The following WRAP73 variants were observed in gnomAD, a reference collection of about 807,000 sequenced individuals.
The protein encoded by WRAP73 is WD repeat-containing protein WRAP73.
In WRAP73, 55 loss-of-function variants were observed where a neutral mutation model predicts 59.6. The ratio of observed to expected loss-of-function variants is 0.92; its 90% CI spans 0.74 to 1.15. WRAP73 has a LOEUF of 1.15. WRAP73 is among the 50% of genes most tolerant of loss of function. The probability of loss-of-function intolerance (pLI) is 0.00; values close to 1 mark genes in which losing one functional copy is unlikely to be tolerated. For missense variants in WRAP73, 592 were observed against 608.1 expected (o/e 0.97, Z 0.28); for synonymous variants, 265 against 258.2 (o/e 1.03, Z -0.25).
chr1:3,635,311 T>G lies in WRAP73; in HGVS notation c.604-17A>C. The G allele has an allele frequency of 1.9e-6, 3 of 1,613,462 alleles. No homozygotes were observed. Among genetic ancestry groups the G allele is most frequent in the Non-Finnish European group, 2.5e-6 (3 of 1,179,864 alleles). ...AATCTTGTACTGCAGATGAGACATT[T>G]CAGTTAATAATGAATACACCCCCGT... On this transcript the variant is annotated splice_polypyrimidine_tract_variant and intron_variant, in intron 6 of 11. Transcript: ENST00000270708.
Position 3,646,682 on chromosome 1 carries a change from T to C in WRAP73, c.323A>G (p.Asn108Ser). ...GACACTTACATGGAATTCCGTGGTGTTGAGAATGTGGCGCCCGTCCGGGCT... is the reference window on the plus strand; with the variant it reads ...GACACTTACATGGAATTCCGTGGTGCTGAGAATGTGGCGCCCGTCCGGGCT... ...CWSPDGRHIL[N>S]TTEFHLRITV... The change falls in exon 3 of 12, where the codon AAC becomes AGC. Residue 108 changes from asparagine (N) to serine (S), a missense_variant. Physicochemically the swap from Asn to Ser is conservative, Grantham distance 46 (BLOSUM62 1). Coordinates refer to ENST00000270708, the MANE Select transcript of WRAP73 (RefSeq NM_017818.4). This position sits in a 1 kb window ranked among gnomAD's most constrained non-coding sequence, Gnocchi z 5.1. The C allele has an allele frequency of 1.2e-6, 2 of 1,602,118 alleles. No homozygotes were observed. The highest frequency in any genetic ancestry group is 1.1e-5 in the South Asian group (1 of 90,718).
chr1:3,638,624 A>G, intron 4 of WRAP73, 126 bp downstream of exon 4: 1 of 953,148 alleles, frequency 1.0e-6, no homozygotes. Flanking sequence ...CCTTTAAAAG[A>G]GCCCAAGGGG....
chr1:3,645,292 T>A (rs1644677888), intron 3 of WRAP73, among the ~76,000 whole-genome samples: 2 of 152,162 alleles, frequency 1.3e-5, no homozygotes, highest in Non-Finnish European at 2.9e-5. Flanking sequence ...TGCCATCATC[T>A]ACGTGGTGTG....
Position 3,632,466 on chromosome 1 carries a change from G to A in WRAP73, c.923-128C>T, listed in dbSNP as rs10909993. 23,209 of 1,470,602 alleles carry A rather than the reference G, an allele frequency of 0.016. 2,355 individuals are homozygous for A. The African/African-American group carries it at 0.25, about 16-fold the overall frequency. 91.1% of individuals were successfully genotyped at this position (1,470,602 alleles called of 1,614,324 possible). Reference sequence around the variant, plus strand: ...CTCTGTTCAAAGGGGAGGAAAGTGCGGCCCAAGGGCAGGAAGAGCTAAGCA... The same window carrying A: ...CTCTGTTCAAAGGGGAGGAAAGTGCAGCCCAAGGGCAGGAAGAGCTAAGCA... On this transcript the variant is annotated intron_variant, in intron 9 of 11. Coordinates refer to ENST00000270708, the MANE Select transcript of WRAP73 (RefSeq NM_017818.4).
At chr1:3,645,530 G>T (rs1379318705) in intron 3 of WRAP73, among the ~76,000 whole-genome samples, 2 of 151,612 alleles carry the variant, frequency 1.3e-5, no homozygotes, top group East Asian at 3.9e-4. Context: ...CCCGTGGTGT[G>T]CGCGGCGCAG....
At chr1:3,636,527 C>T (rs140645770) in intron 5 of WRAP73, 15 of 333,242 alleles carry the variant, frequency 4.5e-5, no homozygotes, top group East Asian at 8.4e-5. Flanking sequence ...GCCTGGATCC[C>T]GGGTTCTGCA....
At chr1:3,633,841 C>T (rs1405091665) in intron 8 of WRAP73, 2 of 234,044 alleles carry the variant, frequency 8.5e-6, no homozygotes, top group East Asian at 9.9e-5. Flanking sequence ...ACAGAGAACA[C>T]TTGCACCAAC....
Position 3,646,702 on chromosome 1 carries a change from C to T in WRAP73, c.303G>A (p.Pro101=), listed in dbSNP as rs759543291. The T allele has an allele frequency of 2.4e-5, 39 of 1,607,012 alleles. No individual in the cohort carries two copies. Among genetic ancestry groups the T allele is most frequent in the Non-Finnish European group, 3.1e-5 (37 of 1,175,036 alleles). Residue 101 remains proline, a synonymous_variant, in exon 3 of 12, where the codon CCG becomes CCA. Transcript: ENST00000270708. This position sits in a 1 kb window ranked among gnomAD's most constrained non-coding sequence, Gnocchi z 5.1. The stretch of plus-strand genomic sequence containing the variant: ...TGGTGTTGAGAATGTGGCGCCCGTC[C>T]GGGCTCCAGCACGAGGCCACCAGCC... The part of the protein sequence containing the change: ...SAGLVASCWS[P]DGRHILNTTE...
chr1:3,636,820 G>A, intron 5 of WRAP73, 175 bp downstream of exon 5: 1 of 725,892 alleles, frequency 1.4e-6, no homozygotes, highest in Non-Finnish European at 2.4e-6. Context: ...CAAGTCTCCT[G>A]AACACACAAC....
chr1:3,641,669 A>G (rs149251619), intron 3 of WRAP73, among the ~76,000 whole-genome samples: 300 of 152,370 alleles, frequency 2.0e-3, no homozygotes, highest in African/African-American at 6.6e-3. Context: ...TGTGGCGGCA[A>G]TGACGTGCAA....
intron 5 of WRAP73, 180 bp downstream of exon 5, chr1:3,636,815 C>A: frequency 1.4e-6 from 1 of 711,826 alleles, no homozygotes; most frequent in Admixed American, 2.0e-5. Flanking sequence ...TTCACCAAGT[C>A]TCCTGAACAC....
At chr1:3,641,443 A>G (rs1644643528) in intron 3 of WRAP73, among the ~76,000 whole-genome samples, 1 of 152,204 alleles carries the variant, frequency 6.6e-6, no homozygotes, top group South Asian at 2.1e-4. Flanking sequence ...CCACTGATCC[A>G]CCCCACAACC....
Position 3,646,835 on chromosome 1 carries a change from G to T in WRAP73, c.223-53C>A. 6.8e-7 allele frequency: 1 copy of T among 1,479,482 alleles called. No individual in the cohort carries two copies. 91.6% of individuals were successfully genotyped at this position (1,479,482 alleles called of 1,614,324 possible). A position where few individuals can be genotyped will look rare whatever the true frequency, so the allele number is the denominator to read the frequency against. ...AAGTGCAAACTCATCAGCACCGAGA[G>T]ACAGCGAGGACAGCTCGCTTAAACG... On this transcript the variant is annotated intron_variant, in intron 2 of 11. Coordinates refer to ENST00000270708, the MANE Select transcript of WRAP73 (RefSeq NM_017818.4). The surrounding 1 kb of genome is among the most constrained non-coding windows in gnomAD (Gnocchi z 5.1).
At chr1:3,631,215 G>A in intron 11 of WRAP73, 98 bp from the exon 12 acceptor site, 1 of 1,559,012 alleles carries the variant, frequency 6.4e-7, no homozygotes. Flanking sequence ...AGTGCCTGGA[G>A]TGACCCACAT....
In WRAP73 at chr1:3,650,048, C is replaced by T. The variant is rs958332909; in HGVS notation, c.-49G>A. 3.3e-6 allele frequency: 5 copies of T among 1,518,306 alleles called. No homozygotes were observed. The highest frequency in any genetic ancestry group is 3.5e-6 in the Non-Finnish European group (4 of 1,131,018). 94.1% of individuals were successfully genotyped at this position (1,518,306 alleles called of 1,614,324 possible). On this transcript the variant is annotated 5_prime_UTR_variant, in exon 1 of 12. Coordinates refer to ENST00000270708, the MANE Select transcript of WRAP73 (RefSeq NM_017818.4). ...ACCCTGCGCCCGAAAACCCGCGGGA[C>T]CCCTGGGCGCGCAGCAGGCTGCAAC...
intron 9 of WRAP73, chr1:3,632,566 G>A (rs1315072537): frequency 1.3e-5 from 8 of 609,002 alleles, no homozygotes; most frequent in South Asian, 3.8e-5. Flanking sequence ...TGCCAGGCCC[G>A]ACTAGGTGGG....
intron 5 of WRAP73, chr1:3,636,276 C>T (rs1026256958): frequency 3.9e-6 from 2 of 514,124 alleles, no homozygotes; most frequent in Non-Finnish European, 7.0e-6. Context: ...CGCCTGCACT[C>T]GTGTGCACAC....
chr1:3,642,141 T>C (rs779684248), intron 3 of WRAP73, among the ~76,000 whole-genome samples: 9 of 152,198 alleles, frequency 5.9e-5, no homozygotes, highest in Non-Finnish European at 1.2e-4. Context: ...TAATGCCAGC[T>C]ATACAGGAGG....
intron 11 of WRAP73, 160 bp downstream of exon 11, chr1:3,631,306 G>A: frequency 7.7e-7 from 1 of 1,291,926 alleles, no homozygotes; most frequent in Non-Finnish European, 1.1e-6. Context: ...AGGGCAGCGG[G>A]TCCCCTGTGT....
Sources: allele counts gnomAD v4.1 joint callset (sites outside exome capture counted in the v4.1 genomes callset), GRCh38; gene constraint gnomAD v4.1.1; non-coding constraint Gnocchi (gnomAD v3.1); transcripts MANE v1.5; gene names NCBI Gene and HGNC (gene_info 2026-07-23, HGNC 2026-07-21).